The following SLC9A5 variants were observed in gnomAD, a reference collection of about 807,000 sequenced individuals.
SLC9A5 encodes sodium/hydrogen exchanger 5.
A neutral mutation model predicts 91.7 loss-of-function variants in SLC9A5; 52 were observed. The ratio of observed to expected loss-of-function variants is 0.57; its 90% confidence interval spans 0.45 to 0.71. The LOEUF (loss-of-function observed/expected upper bound fraction) is 0.71. Among genes scored for constraint, SLC9A5 ranks in the 30% least tolerant of loss-of-function variants. The pLI, the probability that SLC9A5 is intolerant of heterozygous loss-of-function variation, is 0.00. For missense variants in SLC9A5, 871 were observed against 1,158.9 expected, an observed-to-expected ratio of 0.75 and a Z score of 3.61; for synonymous variants, 419 against 474.5, an observed-to-expected ratio of 0.88 and a Z score of 1.52.
intron 2 of SLC9A5, among the ~76,000 whole-genome samples, chr16:67,253,964 A>G (rs1042238982): frequency 3.9e-5 from 6 of 152,350 alleles, no homozygotes; most frequent in African/African-American, 1.4e-4. Context: ...AACGTTTACA[A>G]TTGCTACCTG....
In SLC9A5 at chr16:67,257,066, T is replaced by C; in HGVS notation, c.1288T>C (p.Phe430Leu). The part of the protein sequence containing the change: ...DRTKVPAKDY[F>L]VATTIVVVFF... ...GACCAAGGTCCCTGCCAAGGACTAC[T>C]TTGTAGCCACCACTATTGTAGTGGT... Residue 430 changes from phenylalanine (F) to leucine (L), a missense_variant, in exon 7 of 16, where the codon TTT (phenylalanine) becomes CTT (leucine). This residue lies in a region of SLC9A5 where 454 missense variants were observed against 718.3 expected (regional missense o/e 0.63). Transcript: ENST00000299798. The surrounding 1 kb of genome is among the most constrained non-coding windows in gnomAD (Gnocchi z 5.1). 1 of 1,613,114 alleles carries C rather than the reference T, an allele frequency of 6.2e-7. No individual in the cohort carries two copies. The highest frequency in any genetic ancestry group is 8.5e-7 in the Non-Finnish European group (1 of 1,180,020).
chr16:67,251,556 G>A (rs902986222), intron 1 of SLC9A5, among the ~76,000 whole-genome samples: 10 of 151,646 alleles, frequency 6.6e-5, no homozygotes, highest in Non-Finnish European at 8.8e-5. Context: ...TGGGACTACC[G>A]GCACCCGCCA....
rs1335562611 is a variant in SLC9A5, at chr16:67,259,582, G to A, written c.1636G>A (p.Val546Ile). 29 of 1,614,044 alleles carry A rather than the reference G, an allele frequency of 1.8e-5. No individual in the cohort carries two copies. The highest frequency in any genetic ancestry group is 4.4e-5 in the South Asian group (4 of 91,074). ...GTCTTGACACCTGCAGGGAGGCCAC[G>A]TCTTGTCTTCCACAGGTCTCACTCT... ...AISFVDQGGH[V>I]LSSTGLTLPS... The change falls in exon 11 of 16, where the codon GTC (valine) becomes ATC (isoleucine). Residue 546 changes from valine to isoleucine, a missense_variant. This residue lies in a region of SLC9A5 where 454 missense variants were observed against 718.3 expected (regional missense o/e 0.63). Coordinates refer to ENST00000299798, the MANE Select transcript of SLC9A5 (RefSeq NM_004594.3).
intron 15 of SLC9A5, 34 bp downstream of exon 15, chr16:67,266,259 G>A (rs199722946): frequency 4.8e-5 from 74 of 1,554,240 alleles, no homozygotes; most frequent in Non-Finnish European, 6.1e-5. Context: ...CTCCCCTCTG[G>A]AGCAAGCTGG....
chr16:67,270,809 T>G lies in SLC9A5; in HGVS notation c.2290T>G (p.Trp764Gly). ...SPTCAEKELP[W>G]KSGQGDLAVY... ...AACCTGTGCAGAAAAGGAGCTCCCCTGGAAGAGTGGGCAGGGGGACCTGGC... is the reference window on the plus strand; with the variant it reads ...AACCTGTGCAGAAAAGGAGCTCCCCGGGAAGAGTGGGCAGGGGGACCTGGC... The change falls in exon 16 of 16, where the codon TGG becomes GGG. Residue 764 changes from tryptophan to glycine, a missense_variant. By Grantham distance (184) the Trp-to-Gly change is radical. Around this residue, in one of 3 missense-constraint regions of SLC9A5, gnomAD observed 295 missense variants for 326.0 expected, o/e 0.90. Transcript: ENST00000299798. This position sits in a 1 kb window ranked among gnomAD's most constrained non-coding sequence, Gnocchi z 4.3. 3 of 1,613,980 alleles carry G rather than the reference T, an allele frequency of 1.9e-6. No homozygotes were observed. The highest frequency in any genetic ancestry group is 2.5e-6 in the Non-Finnish European group (3 of 1,179,952).
chr16:67,266,735 T>G (rs920750774), intron 15 of SLC9A5, among the ~76,000 whole-genome samples: 1 of 151,932 alleles, frequency 6.6e-6, no homozygotes, highest in African/African-American at 2.4e-5. Flanking sequence ...GAGATGGGGT[T>G]TCACCATGTT....
In SLC9A5 at chr16:67,255,547, C is replaced by T; in HGVS notation, c.733+76C>T. ...TTGCTGAGGCCCTCCCACCCCGCAT[C>T]AGGACAGAAGAGGCTATTCGGGTTG... On this transcript the variant is annotated intron_variant, in intron 4 of 15. Transcript: ENST00000299798. The surrounding 1 kb of genome is among the most constrained non-coding windows in gnomAD (Gnocchi z 4.9). 6.8e-7 allele frequency: 1 copy of T among 1,463,952 alleles called. No individual in the cohort carries two copies. The allele number at this position is 1,463,952 out of a possible 1,614,324, so 90.7% of individuals were successfully genotyped here. A position where few individuals can be genotyped will look rare whatever the true frequency, so the allele number is the denominator to read the frequency against.
chr16:67,249,281 ATTGGGGCTGGCTTC>A, intron 1 of SLC9A5, 80 bp downstream of exon 1: 2 of 1,178,184 alleles, frequency 1.7e-6, no homozygotes, highest in Non-Finnish European at 2.2e-6. Context: ...CGGTCCTCAG[ATTGGGGCTGGCTTC>A]TTGCACGGTG....
rs1179458536 is a variant in SLC9A5 at position 67,271,049 on chromosome 16, A to T, written c.2530A>T (p.Ser844Cys). The T allele has an allele frequency of 1.2e-6, 2 of 1,612,118 alleles. No individual in the cohort carries two copies. Among genetic ancestry groups the T allele is most frequent in the Non-Finnish European group, 8.5e-7 (1 of 1,178,634 alleles). ...DPRSSFAFPP[S>C]LAKAGRSRSE... ...ACGCTCTAGCTTCGCCTTCCCACCGAGCCTGGCCAAGGCTGGCCGCTCTCG... is the reference window on the plus strand; with the variant it reads ...ACGCTCTAGCTTCGCCTTCCCACCGTGCCTGGCCAAGGCTGGCCGCTCTCG... The change falls in exon 16 of 16, where the codon AGC (serine) becomes TGC (cysteine). Residue 844 changes from serine (S) to cysteine (C), a missense_variant. This residue lies in a region of SLC9A5 where 295 missense variants were observed against 326.0 expected (regional missense o/e 0.90). Coordinates refer to ENST00000299798, the MANE Select transcript of SLC9A5 (RefSeq NM_004594.3).
rs2035341949 is a variant in SLC9A5 at position 67,256,975 on chromosome 16, A to G, written c.1197A>G (p.Gln399=). 6.2e-7 allele frequency: 1 copy of G among 1,614,066 alleles called. No individual in the cohort carries two copies. Residue 399 remains glutamine (Q), a synonymous_variant, in exon 7 of 16, where the codon CAA becomes CAG. Coordinates refer to ENST00000299798, the MANE Select transcript of SLC9A5 (RefSeq NM_004594.3). This position sits in a 1 kb window ranked among gnomAD's most constrained non-coding sequence, Gnocchi z 4.1. Reference sequence around the variant, plus strand: ...TAGTCCCTCTGGACAAGATTGACCAAGTGGTGATGTCCTATGGGGGCCTGC... The same window carrying G: ...TAGTCCCTCTGGACAAGATTGACCAGGTGGTGATGTCCTATGGGGGCCTGC... The part of the protein sequence containing the change: ...FRLVPLDKID[Q]VVMSYGGLRG...
In SLC9A5 at chr16:67,256,578, A is replaced by G; in HGVS notation, c.1021A>G (p.Thr341Ala). The G allele has an allele frequency of 6.2e-7, 1 of 1,614,048 alleles. No individual in the cohort carries two copies. Among genetic ancestry groups the G allele is most frequent in the Non-Finnish European group, 8.5e-7 (1 of 1,179,920 alleles). ...TMKTLASCAE[T>A]VIFMLLGISA... ...GAAGACTCTAGCCAGCTGTGCTGAG[A>G]CCGTGATCTTCATGCTGCTTGGCAT... Residue 341 changes from threonine (T) to alanine (A), a missense_variant, in exon 6 of 16, where the codon ACC becomes GCC. Physicochemically the swap from Thr to Ala is moderately conservative, Grantham distance 58. Around this residue, in one of 3 missense-constraint regions of SLC9A5, gnomAD observed 454 missense variants for 718.3 expected, o/e 0.63. Transcript: ENST00000299798. This position sits in a 1 kb window ranked among gnomAD's most constrained non-coding sequence, Gnocchi z 4.1.
chr16:67,268,693 TATATATATATATA>T lies in SLC9A5; in HGVS notation c.2219-2044_2219-2032del, dbSNP rs1567421599. 5.9e-4 allele frequency among the ~76,000 whole-genome samples: 57 copies of T among 96,624 alleles called. 3 individuals are homozygous for T. The highest frequency in any genetic ancestry group is 2.1e-3 in the African/African-American group (53 of 25,290). The allele number at this position is 96,624 out of a possible 152,430, so 63.4% of individuals were successfully genotyped here. A position where few individuals can be genotyped will look rare whatever the true frequency, so the allele number is the denominator to read the frequency against. On this transcript the variant is annotated intron_variant, in intron 15 of 15. Transcript: ENST00000299798. ...ATATATATATATATATATATATATA[TATATATATATATA>T]TATATTTTTACAGTAGGCTTGTCCA... is the stretch of plus-strand genomic sequence containing the variant.
chr16:67,252,642 G>T lies in SLC9A5; in HGVS notation c.288G>T (p.Lys96Asn). 1.2e-6 allele frequency: 2 copies of T among 1,614,174 alleles called. No homozygotes were observed. The highest frequency in any genetic ancestry group is 1.1e-5 in the South Asian group (1 of 91,084). The stretch of plus-strand genomic sequence containing the variant: ...GGGGAATTGTTTTGGCTGTGGCCAA[G>T]AAAGCTGAGTACCAGCTGGAGCCAG... The part of the protein sequence containing the change: ...VLGGIVLAVA[K>N]KAEYQLEPGT... The change falls in exon 2 of 16, where the codon AAG becomes AAT. Residue 96 changes from lysine to asparagine, a missense_variant. Transcript: ENST00000299798. The surrounding 1 kb of genome is among the most constrained non-coding windows in gnomAD (Gnocchi z 4.0).
At chr16:67,249,222 G>T in intron 1 of SLC9A5, 21 bp downstream of exon 1, 1 of 1,401,670 alleles carries the variant, frequency 7.1e-7, no homozygotes, top group South Asian at 1.5e-5. Flanking sequence ...GTGTGCGTGC[G>T]CCAGGCCGAC....
At chr16:67,254,337 A>G (rs2035233922) in intron 2 of SLC9A5, among the ~76,000 whole-genome samples, 1 of 152,208 alleles carries the variant, frequency 6.6e-6, no homozygotes, top group Non-Finnish European at 1.5e-5. Flanking sequence ...TTAGCAGCCA[A>G]TTTCCATTTG....
intron 12 of SLC9A5, chr16:67,262,064 T>C (rs2035549367): frequency 3.0e-6 from 1 of 335,994 alleles, no homozygotes; most frequent in South Asian, 2.3e-5. Flanking sequence ...TCCTGTTAAA[T>C]GTCATCTTAT....
chr16:67,255,276 G>T lies in SLC9A5; in HGVS notation c.654+92G>T. On this transcript the variant is annotated intron_variant, in intron 3 of 15. Transcript: ENST00000299798. The surrounding 1 kb of genome is among the most constrained non-coding windows in gnomAD (Gnocchi z 4.9). Reference sequence around the variant, plus strand: ...GCGCAGACTCAGTCCCTTCCCTTGGGTCCCCTGGGGCAGAAATATGCTGTC... The same window carrying T: ...GCGCAGACTCAGTCCCTTCCCTTGGTTCCCCTGGGGCAGAAATATGCTGTC... 1.3e-6 allele frequency: 2 copies of T among 1,537,894 alleles called. No homozygotes were observed. Among genetic ancestry groups the T allele is most frequent in the South Asian group, 1.2e-5 (1 of 84,176 alleles).
chr16:67,270,786 C>T lies in SLC9A5; in HGVS notation c.2267C>T (p.Thr756Ile). 1 of 1,613,930 alleles carries T rather than the reference C, an allele frequency of 6.2e-7. No homozygotes were observed. Among genetic ancestry groups the T allele is most frequent in the South Asian group, 1.1e-5 (1 of 91,038 alleles). The change falls in exon 16 of 16, where the codon ACC (threonine) becomes ATC (isoleucine). Residue 756 changes from threonine to isoleucine, a missense_variant. Thr to Ile is a moderately conservative substitution (Grantham distance 89, BLOSUM62 -1). Around this residue, in one of 3 missense-constraint regions of SLC9A5, gnomAD observed 295 missense variants for 326.0 expected, o/e 0.90. Coordinates refer to ENST00000299798, the MANE Select transcript of SLC9A5 (RefSeq NM_004594.3). This position sits in a 1 kb window ranked among gnomAD's most constrained non-coding sequence, Gnocchi z 4.3. ...PSPRIIPPSP[T>I]CAEKELPWKS... Reference sequence around the variant, plus strand: ...CCACGAATCATTCCCCCCTCCCCAACCTGTGCAGAAAAGGAGCTCCCCTGG... The same window carrying T: ...CCACGAATCATTCCCCCCTCCCCAATCTGTGCAGAAAAGGAGCTCCCCTGG...
Position 67,255,746 on chromosome 16 carries a change from C to T in SLC9A5, c.734-7C>T, listed in dbSNP as rs965611666. On this transcript the variant is annotated splice_region_variant and splice_polypyrimidine_tract_variant and intron_variant, in intron 4 of 15. Transcript: ENST00000299798. This position sits in a 1 kb window ranked among gnomAD's most constrained non-coding sequence, Gnocchi z 4.9. ...GGGGTCATGCTGACAACCCACTCCT[C>T]CCCCAGCCTCCCTGTTTGTGGTCAG... 22 of 1,558,704 alleles carry T rather than the reference C, an allele frequency of 1.4e-5. No homozygotes were observed. The highest frequency in any genetic ancestry group is 1.9e-5 in the Admixed American group (1 of 52,980).
Sources: allele counts gnomAD v4.1 joint callset (sites outside exome capture counted in the v4.1 genomes callset), GRCh38; gene constraint gnomAD v4.1.1; regional missense constraint gnomAD v4.1.1; non-coding constraint Gnocchi (gnomAD v3.1); transcripts MANE v1.5; gene names NCBI Gene and HGNC (gene_info 2026-07-23, HGNC 2026-07-21).